The following BCLAF3 variants were observed in gnomAD, a reference collection of about 807,000 sequenced individuals.
BCLAF3 encodes transient octamer binding factor 1.
BCLAF3 carries 24 observed loss-of-function variants against 51.2 expected under a neutral mutation model. The observed-to-expected ratio is 0.47, with a 90% CI of 0.34 to 0.66. The LOEUF (loss-of-function observed/expected upper bound fraction) is 0.66. BCLAF3 is among the 30% of genes least tolerant of loss of function. The pLI, the probability that BCLAF3 is intolerant of heterozygous loss-of-function variation, is 0.01. For missense variants in BCLAF3, 465 were observed against 525.1 expected (o/e 0.89, Z 1.12); for synonymous variants, 152 against 176.6 (o/e 0.86, Z 1.10).
chrX:19,950,573 G>A (rs754267988), intron 8 of BCLAF3, among the ~76,000 whole-genome samples, 180 bp downstream of exon 8: 6 of 112,208 alleles, frequency 5.3e-5, no homozygotes, highest in South Asian at 7.3e-4. Flanking sequence ...AAATCAAACC[G>A]CATATGAGAA....
At chrX:19,938,714 T>C (rs73193565) in intron 8 of BCLAF3, among the ~76,000 whole-genome samples, 222 of 112,792 alleles carry the variant, frequency 2.0e-3, no homozygotes, top group Non-Finnish European at 3.7e-3. Flanking sequence ...TTGAAGTACA[T>C]GTGGTTCCTG....
intron 4 of BCLAF3, among the ~76,000 whole-genome samples, chrX:19,961,051 CCCT>C (rs1437177863): frequency 1.3e-3 from 144 of 111,776 alleles, no homozygotes; most frequent in African/African-American, 4.3e-3. Flanking sequence ...ACCACCTCCT[CCCT>C]CCTCCTCTTC....
rs989013773 is a variant in BCLAF3 at position 19,916,234 on chromosome X, C to T, written c.*1071G>A. 1 of 112,689 alleles carries T rather than the reference C, an allele frequency of 8.9e-6. No homozygotes were observed. The allele number at this position is 112,689 out of a possible 1,213,427, so 9.3% of individuals were successfully genotyped here. On this transcript the variant is annotated 3_prime_UTR_variant, in exon 12 of 12. Coordinates refer to ENST00000379682, the MANE Select transcript of BCLAF3 (RefSeq NM_001367774.2). ...TCAAACAAAATTAAAATAATGCTCT[C>T]ACAAACTGGCAAGTAACTTATTTAA... is the stretch of plus-strand genomic sequence containing the variant.
intron 2 of BCLAF3, 39 bp downstream of exon 2, chrX:19,970,185 C>A (rs1312914036): frequency 1.8e-6 from 2 of 1,140,306 alleles, no homozygotes; most frequent in African/African-American, 3.5e-5. Flanking sequence ...AGTCACAGCA[C>A]ATCCCAAATC....
At chrX:19,960,429 T>C (rs1213445541) in intron 4 of BCLAF3, among the ~76,000 whole-genome samples, 1 of 111,088 alleles carries the variant, frequency 9.0e-6, no homozygotes, top group Admixed American at 9.6e-5. Flanking sequence ...GCACTCTAAC[T>C]GCCAACAGAA....
chrX:19,944,160 G>A (rs1277338676), intron 8 of BCLAF3, among the ~76,000 whole-genome samples: 1 of 71,091 alleles, frequency 1.4e-5, no homozygotes, highest in African/African-American at 5.9e-5. Context: ...TTTTGAGCCT[G>A]TGTGTGTCTC....
intron 4 of BCLAF3, among the ~76,000 whole-genome samples, chrX:19,960,584 A>G (rs774042473): frequency 1.8e-4 from 20 of 112,073 alleles, no homozygotes; most frequent in Non-Finnish European, 3.2e-4. Flanking sequence ...TCTATGCTAT[A>G]TAACAGCAAG....
At chrX:19,931,628 A>C (rs1210016408) in intron 10 of BCLAF3, among the ~76,000 whole-genome samples, 1 of 112,311 alleles carries the variant, frequency 8.9e-6, no homozygotes, top group East Asian at 2.8e-4. Context: ...GGAAGATCTA[A>C]TTCCAAGAAG....
chrX:19,940,820 G>C (rs1339093699), intron 8 of BCLAF3, among the ~76,000 whole-genome samples: 3 of 111,305 alleles, frequency 2.7e-5, no homozygotes, highest in African/African-American at 9.8e-5. Flanking sequence ...GGTATTTCTA[G>C]TTCTAGATCC....
intron 9 of BCLAF3, among the ~76,000 whole-genome samples, chrX:19,936,313 T>C (rs760835732): frequency 1.8e-5 from 2 of 111,905 alleles, no homozygotes; most frequent in Admixed American, 9.5e-5. Flanking sequence ...GAGGCAGGTT[T>C]TCCTGACTCA....
At chrX:19,945,513 G>T (rs2071238729) in intron 8 of BCLAF3, among the ~76,000 whole-genome samples, 1 of 95,710 alleles carries the variant, frequency 1.0e-5, no homozygotes, top group Non-Finnish European at 2.0e-5. Context: ...TCAGCTGCAG[G>T]TCTGTTGGAA....
intron 11 of BCLAF3, among the ~76,000 whole-genome samples, chrX:19,925,868 C>T (rs149970807): frequency 2.1e-3 from 233 of 111,932 alleles, no homozygotes; most frequent in Non-Finnish European, 3.6e-3. Context: ...CCAAGTTAGT[C>T]TCAGGTATCT....
At chrX:19,953,529 T>G (rs1209956640) in intron 6 of BCLAF3, among the ~76,000 whole-genome samples, 1 of 112,257 alleles carries the variant, frequency 8.9e-6, no homozygotes, top group Non-Finnish European at 1.9e-5. Flanking sequence ...AAGTTAGGTA[T>G]GTAAGCATCT....
chrX:19,920,325 T>C (rs2070102089), intron 11 of BCLAF3, among the ~76,000 whole-genome samples: 1 of 111,758 alleles, frequency 8.9e-6, no homozygotes, highest in South Asian at 3.7e-4. Flanking sequence ...TATTCTTTTA[T>C]GAGAAAGACT....
In BCLAF3 at chrX:19,953,050, TC is replaced by T; in HGVS notation, c.1566del (p.Arg523GlufsTer2). On this transcript the variant is annotated frameshift_variant and splice_region_variant, in exon 7 of 12. Transcript: ENST00000379682. LOFTEE classifies it high-confidence loss of function. Reference sequence around the variant, plus strand: ...AGCTCGGCCAAAGACATATCTATTCTCCTAAAATAATAAAGGCATAGTACAA... The same window carrying T: ...AGCTCGGCCAAAGACATATCTATTCTCTAAAATAATAAAGGCATAGTACAA... Reference protein sequence around the residue: ...IPLNSDPEIHRRIDMSLAELQ... With the variant: ...IPLNSDPEIHXRIDMSLAELQ... 8.4e-7 allele frequency: 1 copy of T among 1,194,853 alleles called. No homozygotes were observed. The highest frequency in any genetic ancestry group is 1.1e-6 in the Non-Finnish European group (1 of 881,753).
chrX:19,917,890 A>G (rs1443333543), intron 11 of BCLAF3, among the ~76,000 whole-genome samples: 1 of 111,780 alleles, frequency 8.9e-6, no homozygotes, highest in East Asian at 2.8e-4. Flanking sequence ...TACAAGAACA[A>G]TGAGACTATG....
Position 19,966,378 on chromosome X carries a change from C to T in BCLAF3, c.313G>A (p.Asp105Asn). ...ATATACTGAGCTCTCCTGTTACTGT[C>T]CCCTCTTCCAGGCGAATATCCTCTG... is the stretch of plus-strand genomic sequence containing the variant. ...PHRGYSPGRG[D>N]SNRRAQYMPK... is the part of the protein sequence containing the mutation. Residue 105 changes from aspartate to asparagine, a missense_variant, in exon 3 of 12, where the codon GAC (aspartate) becomes AAC (asparagine). By Grantham distance (23) the Asp-to-Asn change is conservative. Transcript: ENST00000379682. 2 of 1,211,638 alleles carry T rather than the reference C, an allele frequency of 1.7e-6. No homozygotes were observed. The highest frequency in any genetic ancestry group is 2.3e-4 in the Middle Eastern group (1 of 4,352).
Position 19,965,630 on chromosome X carries a change from T to G in BCLAF3, c.688A>C (p.Arg230=). 8.6e-7 allele frequency: 1 copy of G among 1,165,940 alleles called. No individual in the cohort carries two copies. The highest frequency in any genetic ancestry group is 1.1e-6 in the Non-Finnish European group (1 of 876,435). ...CACTTTGGGTTCCTGGCAGGCTCTCTGCTTTCATACCTCTCCACGTCTTTA... is the reference window on the plus strand; with the variant it reads ...CACTTTGGGTTCCTGGCAGGCTCTCGGCTTTCATACCTCTCCACGTCTTTA... ...RPKDVERYES[R]EPARNPKWKP... is the part of the protein sequence containing the mutation. The change falls in exon 4 of 12, where the codon AGA becomes CGA. Residue 230 remains arginine, a synonymous_variant. Coordinates refer to ENST00000379682, the MANE Select transcript of BCLAF3 (RefSeq NM_001367774.2).
chrX:19,949,983 G>C (rs1277747213), intron 8 of BCLAF3, among the ~76,000 whole-genome samples: 1 of 111,494 alleles, frequency 9.0e-6, no homozygotes, highest in African/African-American at 3.3e-5. Flanking sequence ...GGTTGATCTA[G>C]ACTACTAAGA....
Sources: gnomAD v4.1 joint callset for allele counts (sites outside exome capture counted in the v4.1 genomes callset) on GRCh38, gnomAD v4.1.1 for gene constraint, MANE v1.5 for transcripts, NCBI Gene and HGNC (gene_info 2026-07-23, HGNC 2026-07-21) for gene names.